The following GTF2A1 variants were observed in gnomAD, a reference collection of about 807,000 sequenced individuals.
GTF2A1 encodes the protein general transcription factor IIA subunit 1, also known as transcription initiation factor IIA subunit 1.
Under a neutral mutation model 54.1 loss-of-function variants are expected in GTF2A1, and 12 were observed. The ratio of observed to expected loss-of-function variants is 0.22; its 90% confidence interval spans 0.14 to 0.36. The LOEUF is 0.36. Ranked by LOEUF, GTF2A1 falls within the 10% of genes least tolerant of loss-of-function variation. The pLI, the probability that GTF2A1 is intolerant of heterozygous loss-of-function variation, is 1.00. For synonymous variants in GTF2A1, 145 were observed against 152.0 expected (o/e 0.95, Z 0.34); for missense variants, 335 against 442.2 (o/e 0.76, Z 2.17).
intron 6 of GTF2A1, among the ~76,000 whole-genome samples, chr14:81,195,477 C>G (rs1421636190): frequency 6.6e-6 from 1 of 151,160 alleles, no homozygotes. Flanking sequence ...ACTAAAAATA[C>G]AAAAGTTAGC....
rs573060673 is a variant in GTF2A1, at chr14:81,220,796, C to G, written c.-278G>C. ...TCCGGGGGGCGTTGCCCGCTCCCCA[C>G]CCCGCGCCAAGGAGGGAAACCACCA... On this transcript the variant is annotated 5_prime_UTR_variant, in exon 1 of 9. Transcript: ENST00000553612. The G allele has an allele frequency of 5.8e-6, 2 of 347,260 alleles. No homozygotes were observed. Among genetic ancestry groups the G allele is most frequent in the Non-Finnish European group, 5.2e-6 (1 of 192,264 alleles). The allele number at this position is 347,260 out of a possible 1,614,324, so 21.5% of individuals were successfully genotyped here. A position where few individuals can be genotyped will look rare whatever the true frequency, so the allele number is the denominator to read the frequency against.
At chr14:81,220,355 A>AGCGGCG (rs1472265778) in intron 1 of GTF2A1, 134 bp downstream of exon 1, 3 of 341,048 alleles carry the variant, frequency 8.8e-6, no homozygotes, top group South Asian at 1.2e-4. Context: ...CGAGGCGGGA[A>AGCGGCG]GCGGCGGCGG....
At chr14:81,181,702 G>A (rs543026010) in intron 8 of GTF2A1, among the ~76,000 whole-genome samples, 5 of 152,036 alleles carry the variant, frequency 3.3e-5, no homozygotes, top group South Asian at 2.1e-4. Flanking sequence ...TCACCATCAC[G>A]CCCAGCTAAT....
Position 81,195,984 on chromosome 14 carries a change from A to C in GTF2A1, c.612+124T>G. The C allele has an allele frequency of 5.1e-6, 4 of 786,912 alleles. No homozygotes were observed. In the South Asian group the frequency reaches 6.9e-5, roughly 14 times the overall value. The allele number at this position is 786,912 out of a possible 1,614,324, so 48.7% of individuals were successfully genotyped here. ...TTAAGCTGTATACAGGAGAAATTTG[A>C]AACAACTGGGTCTGTAGCACTGAAA... On this transcript the variant is annotated intron_variant, in intron 6 of 8. Transcript: ENST00000553612.
chr14:81,215,738 A>G (rs1400187455), intron 2 of GTF2A1, among the ~76,000 whole-genome samples: 1 of 152,196 alleles, frequency 6.6e-6, no homozygotes, highest in Non-Finnish European at 1.5e-5. Context: ...AGACCATTAA[A>G]AAAAGATAAG....
rs1892587147 is a variant in GTF2A1, at chr14:81,179,084, G to C, written c.*1139C>G. The C allele has an allele frequency of 6.6e-6, 1 of 152,174 alleles. No homozygotes were observed. The highest frequency in any genetic ancestry group is 6.5e-5 in the Admixed American group (1 of 15,280). 9.4% of individuals were successfully genotyped at this position (152,174 alleles called of 1,614,324 possible). A position where few individuals can be genotyped will look rare whatever the true frequency, so the allele number is the denominator to read the frequency against. ...GGAAGGGCCACCAAATGAAAGAGAG[G>C]TAACTTAGTGGCCCACCCACCTCTT... On this transcript the variant is annotated 3_prime_UTR_variant, in exon 9 of 9. Transcript: ENST00000553612.
intron 2 of GTF2A1, among the ~76,000 whole-genome samples, chr14:81,209,007 GT>G (rs1382563342): frequency 9.8e-5 from 15 of 152,306 alleles, no homozygotes; most frequent in African/African-American, 3.6e-4. Context: ...GTGGACATTT[GT>G]GTTAATGCTG....
chr14:81,220,363 CGGCGGCGGCCGCGCG>C, intron 1 of GTF2A1, 111 bp downstream of exon 1: 1 of 408,028 alleles, frequency 2.5e-6, no homozygotes, highest in East Asian at 4.7e-5. Flanking sequence ...GAAGCGGCGG[CGGCGGCGGCCGCGCG>C]GGCGGCTGAA....
chr14:81,189,213 A>G (rs1269087407), intron 7 of GTF2A1, among the ~76,000 whole-genome samples: 2 of 152,250 alleles, frequency 1.3e-5, no homozygotes, highest in Admixed American at 1.3e-4. Context: ...AAGACATTGT[A>G]TGATCATAAA....
In GTF2A1 at chr14:81,204,156, T is replaced by C. The variant is rs528664682; in HGVS notation, c.133-52A>G. 10 of 1,116,010 alleles carry C rather than the reference T, an allele frequency of 9.0e-6. No individual in the cohort carries two copies. The African/African-American group carries it at 1.2e-4, about 14-fold the overall frequency. 69.1% of individuals were successfully genotyped at this position (1,116,010 alleles called of 1,614,324 possible). ...TAAGTGAAAAATAACTCTGGACAGA[T>C]GAATACAACAGTTTTATTAATCTCT... On this transcript the variant is annotated intron_variant, in intron 2 of 8. Coordinates refer to ENST00000553612, the MANE Select transcript of GTF2A1 (RefSeq NM_015859.4).
rs1405002071 is a variant in GTF2A1, at chr14:81,178,031, CAAAA to C, written c.*2188_*2191del. The stretch of plus-strand genomic sequence containing the variant: ...TGGTTATTTCCTGCTTCAAAAATAA[CAAAA>C]TAACCACTCTGAAAGCAGTGGTTGT... On this transcript the variant is annotated 3_prime_UTR_variant, in exon 9 of 9. Transcript: ENST00000553612. 6.6e-6 allele frequency: 1 copy of C among 151,770 alleles called. No individual in the cohort carries two copies. The highest frequency in any genetic ancestry group is 1.5e-5 in the Non-Finnish European group (1 of 67,894). 9.4% of individuals were successfully genotyped at this position (151,770 alleles called of 1,614,324 possible).
intron 8 of GTF2A1, among the ~76,000 whole-genome samples, chr14:81,181,639 G>A (rs1465522538): frequency 6.6e-6 from 1 of 152,078 alleles, no homozygotes; most frequent in East Asian, 1.9e-4. Context: ...CCCCCTCCCA[G>A]GTTCAAGTGA....
intron 4 of GTF2A1, 35 bp downstream of exon 4, chr14:81,201,559 T>A (rs1225177894): frequency 8.0e-7 from 1 of 1,252,330 alleles, no homozygotes; most frequent in East Asian, 2.3e-5. Flanking sequence ...TAGAATTAAG[T>A]ACAGCCAATC....
chr14:81,196,455 T>G (rs1228482504), intron 5 of GTF2A1, among the ~76,000 whole-genome samples: 2 of 152,366 alleles, frequency 1.3e-5, no homozygotes, highest in East Asian at 3.9e-4. Context: ...AATGTTTTAT[T>G]TTTCATATTT....
intron 7 of GTF2A1, among the ~76,000 whole-genome samples, chr14:81,188,999 T>C (rs1333020762): frequency 6.6e-6 from 1 of 152,202 alleles, no homozygotes. Context: ...ATAGTCTTGG[T>C]TGATGTTAAA....
Position 81,180,218 on chromosome 14 carries a change from A to G in GTF2A1, c.*5T>C. ...TTTTATTTATAAAAGAAAAAAAGCAACTCTTCACCATTCTGCATCTCCAAT... is the reference window on the plus strand; with the variant it reads ...TTTTATTTATAAAAGAAAAAAAGCAGCTCTTCACCATTCTGCATCTCCAAT... On this transcript the variant is annotated 3_prime_UTR_variant, in exon 9 of 9. Coordinates refer to ENST00000553612, the MANE Select transcript of GTF2A1 (RefSeq NM_015859.4). 2.9e-6 allele frequency: 3 copies of G among 1,041,232 alleles called. No homozygotes were observed. Among genetic ancestry groups the G allele is most frequent in the South Asian group, 1.6e-5 (1 of 61,566 alleles). 64.5% of individuals were successfully genotyped at this position (1,041,232 alleles called of 1,614,324 possible).
At chr14:81,202,310 C>A (rs1056372786) in intron 3 of GTF2A1, among the ~76,000 whole-genome samples, 2 of 152,192 alleles carry the variant, frequency 1.3e-5, no homozygotes, top group Non-Finnish European at 2.9e-5. Flanking sequence ...ACCACTGTTA[C>A]AATGAGTTAC....
At chr14:81,219,817 T>C (rs912423804) in intron 1 of GTF2A1, among the ~76,000 whole-genome samples, 1 of 152,192 alleles carries the variant, frequency 6.6e-6, no homozygotes, top group Non-Finnish European at 1.5e-5. Flanking sequence ...TGCAGGCTTT[T>C]TTTGTTTGTT....
intron 4 of GTF2A1, 46 bp from the exon 5 acceptor site, chr14:81,197,530 T>A: frequency 1.0e-6 from 1 of 975,372 alleles, no homozygotes; most frequent in Middle Eastern, 2.1e-4. Context: ...ACATGTATAA[T>A]ACTGTTTCTC....
Sources: allele counts gnomAD v4.1 joint callset (sites outside exome capture counted in the v4.1 genomes callset), GRCh38; gene constraint gnomAD v4.1.1; transcripts MANE v1.5; gene names NCBI Gene and HGNC (gene_info 2026-07-23, HGNC 2026-07-21).